Variants in PTH2R observed in about 807,000 individuals in gnomAD.
PTH2R encodes the protein parathyroid hormone 2 receptor.
PTH2R carries 59 observed loss-of-function variants against 60.3 expected under a neutral mutation model. The ratio of observed to expected loss-of-function variants is 0.98; its 90% CI spans 0.79 to 1.22. The LOEUF is 1.22. Ranked by LOEUF, PTH2R falls within the 50% of genes most tolerant of loss-of-function variation. The pLI is 0.00. For missense variants in PTH2R, 749 were observed against 682.6 expected, an observed-to-expected ratio of 1.10 and a Z score of -1.08; for synonymous variants, 256 against 243.8, an observed-to-expected ratio of 1.05 and a Z score of -0.47.
In PTH2R at chr2:208,459,832, C is replaced by T. The variant is rs117366435; in HGVS notation, c.915-63C>T. On this transcript the variant is annotated intron_variant, in intron 8 of 12. Coordinates refer to ENST00000272847, the MANE Select transcript of PTH2R (RefSeq NM_005048.4). ...GGAGTTTTTGGTAAAACTTAAAATTCTACTTAATACTACCCATTTGCTTTG... is the reference window on the plus strand; with the variant it reads ...GGAGTTTTTGGTAAAACTTAAAATTTTACTTAATACTACCCATTTGCTTTG... The T allele has an allele frequency of 7.6e-5, 103 of 1,361,742 alleles. No homozygotes were observed. The East Asian group carries it at 2.3e-3, about 31-fold the overall frequency. The allele number at this position is 1,361,742 out of a possible 1,614,324, so 84.4% of individuals were successfully genotyped here. A position where few individuals can be genotyped will look rare whatever the true frequency, so the allele number is the denominator to read the frequency against.
chr2:208,441,339 C>T (rs1167016233), intron 4 of PTH2R, among the ~76,000 whole-genome samples: 1 of 152,058 alleles, frequency 6.6e-6, no homozygotes, highest in African/African-American at 2.4e-5. Flanking sequence ...GGTGCACCAC[C>T]CTTCTGGTAA....
chr2:208,473,128 A>G (rs565971959), intron 9 of PTH2R, among the ~76,000 whole-genome samples: 1 of 152,330 alleles, frequency 6.6e-6, no homozygotes, highest in South Asian at 2.1e-4. Context: ...AACCCTTCTG[A>G]ACACATCAAG....
At chr2:208,440,252 C>G (rs183504605) in intron 4 of PTH2R, among the ~76,000 whole-genome samples, 1 of 152,252 alleles carries the variant, frequency 6.6e-6, no homozygotes, top group East Asian at 1.9e-4. Flanking sequence ...GAGATGCCAT[C>G]TCTTAAAGTC....
intron 1 of PTH2R, among the ~76,000 whole-genome samples, chr2:208,424,535 T>C (rs921310461): frequency 5.9e-5 from 9 of 152,228 alleles, no homozygotes; most frequent in Admixed American, 1.3e-4. Context: ...AGTTTGGATC[T>C]TACAACTTCC....
At chr2:208,416,913 G>A (rs1701652087) in intron 1 of PTH2R, among the ~76,000 whole-genome samples, 2 of 152,092 alleles carry the variant, frequency 1.3e-5, no homozygotes, top group South Asian at 4.2e-4. Context: ...GCCTGCAGAT[G>A]GCTATTGTGG....
chr2:208,386,503 T>TGTGTGTGTGC (rs1430192680), intron 1 of PTH2R, among the ~76,000 whole-genome samples: 1 of 152,176 alleles, frequency 6.6e-6, no homozygotes, highest in African/African-American at 2.4e-5. Flanking sequence ...TGTATGTGTT[T>TGTGTGTGTGC]GTGTGTGTGC....
At chr2:208,462,862 C>T (rs771085495) in intron 9 of PTH2R, among the ~76,000 whole-genome samples, 2 of 152,254 alleles carry the variant, frequency 1.3e-5, no homozygotes, top group South Asian at 2.1e-4. Flanking sequence ...CAAAGGAGGC[C>T]GGGCCAGACC....
chr2:208,364,468 C>A (rs1700540506), intron 1 of PTH2R, among the ~76,000 whole-genome samples: 1 of 152,122 alleles, frequency 6.6e-6, no homozygotes, highest in Non-Finnish European at 1.5e-5. Flanking sequence ...TTCCCAGCAT[C>A]ATTTGTTGAC....
chr2:208,403,407 G>A (rs913871044), upstream of PTH2R, among the ~76,000 whole-genome samples: 2 of 152,188 alleles, frequency 1.3e-5, no homozygotes, highest in Non-Finnish European at 2.9e-5. Flanking sequence ...TCAACTCTGA[G>A]AAAGCCATTT....
At chr2:208,472,433 T>C (rs1702904183) in intron 9 of PTH2R, among the ~76,000 whole-genome samples, 1 of 152,162 alleles carries the variant, frequency 6.6e-6, no homozygotes. Flanking sequence ...AATTCCCACA[T>C]GTTGTGGGAG....
intron 1 of PTH2R, among the ~76,000 whole-genome samples, chr2:208,414,430 T>C (rs1701599211): frequency 6.6e-6 from 1 of 152,098 alleles, no homozygotes; most frequent in African/African-American, 2.4e-5. Context: ...GTAGATATAA[T>C]ATATCCTGCA....
chr2:208,481,219 C>CTTTTTT, intron 10 of PTH2R, 55 bp downstream of exon 10: 1 of 835,130 alleles, frequency 1.2e-6, no homozygotes, highest in Non-Finnish European at 1.8e-6. Flanking sequence ...TATTTCTTTC[C>CTTTTTT]TTTTTTTTTT....
intron 9 of PTH2R, among the ~76,000 whole-genome samples, chr2:208,479,118 T>C (rs1159946263): frequency 6.6e-6 from 1 of 152,240 alleles, no homozygotes; most frequent in East Asian, 1.9e-4. Context: ...CTTAATATTT[T>C]AAAATTCTTA....
intron 2 of PTH2R, 46 bp from the exon 3 acceptor site, chr2:208,437,491 C>T: frequency 6.6e-7 from 1 of 1,506,496 alleles, no homozygotes; most frequent in Non-Finnish European, 9.0e-7. Flanking sequence ...CTGGTTCTAA[C>T]TACATTTTTC....
chr2:208,420,517 A>T (rs902724277), intron 1 of PTH2R, among the ~76,000 whole-genome samples: 1 of 151,564 alleles, frequency 6.6e-6, no homozygotes, highest in African/African-American at 2.4e-5. Flanking sequence ...AAAATACTAT[A>T]TTGCACTTAA....
intron 9 of PTH2R, 149 bp downstream of exon 9, chr2:208,460,110 G>C: frequency 1.5e-6 from 1 of 656,960 alleles, no homozygotes. Flanking sequence ...CTGGGACAGA[G>C]ATCAGACCCT....
intron 1 of PTH2R, among the ~76,000 whole-genome samples, chr2:208,410,815 A>C (rs1264110402): frequency 2.6e-5 from 4 of 152,136 alleles, no homozygotes; most frequent in Non-Finnish European, 5.9e-5. Context: ...GAGGTAGAGA[A>C]GTAGGAGTGG....
intron 1 of PTH2R, among the ~76,000 whole-genome samples, chr2:208,379,154 A>G (rs891776580): frequency 6.6e-6 from 1 of 152,156 alleles, no homozygotes; most frequent in Non-Finnish European, 1.5e-5. Context: ...AAATAATCAT[A>G]TTTGACACAT....
At chr2:208,391,366 G>A (rs557787731) in intron 1 of PTH2R, among the ~76,000 whole-genome samples, 10 of 152,204 alleles carry the variant, frequency 6.6e-5, no homozygotes, top group Non-Finnish European at 1.5e-4. Context: ...AGGAAGGTGA[G>A]TTTCTTGGGA....
Sources: allele counts gnomAD v4.1 joint callset (sites outside exome capture counted in the v4.1 genomes callset), GRCh38; gene constraint gnomAD v4.1.1; transcripts MANE v1.5; gene names NCBI Gene and HGNC (gene_info 2026-07-23, HGNC 2026-07-21).